The following GRID1 variants were observed in gnomAD, a reference collection of about 807,000 sequenced individuals.
The protein encoded by GRID1 is glutamate ionotropic receptor delta type subunit 1.
In GRID1, 28 loss-of-function variants were observed where a neutral mutation model predicts 98.0. That is an observed-to-expected ratio of 0.29 (90% CI 0.21 to 0.39). The LOEUF (loss-of-function observed/expected upper bound fraction) is 0.39. GRID1 is among the 10% of genes least tolerant of loss of function. The pLI is 1.00. For missense variants in GRID1, 1,111 were observed against 1,340.5 expected (o/e 0.83, Z 2.67); for synonymous variants, 553 against 538.5 (o/e 1.03, Z -0.37).
At chr10:86,339,827 A>G (rs1848285070) in intron 2 of GRID1, among the ~76,000 whole-genome samples, 1 of 152,158 alleles carries the variant, frequency 6.6e-6, no homozygotes, top group Non-Finnish European at 1.5e-5. Context: ...AGAGATGAGG[A>G]CCCAAAAGAC....
intron 4 of GRID1, among the ~76,000 whole-genome samples, chr10:85,990,614 T>C (rs958136968): frequency 1.7e-4 from 26 of 152,244 alleles, no homozygotes; most frequent in Admixed American, 1.4e-3. Context: ...GCAAAGGCCA[T>C]GGGGCTCGAA....
intron 5 of GRID1, among the ~76,000 whole-genome samples, chr10:85,875,996 CTGGGAAA>C (rs1258912404): frequency 6.6e-6 from 1 of 152,150 alleles, no homozygotes; most frequent in African/African-American, 2.4e-5. Flanking sequence ...TTTTTGTTTG[CTGGGAAA>C]TGCCTTTATT....
intron 5 of GRID1, among the ~76,000 whole-genome samples, chr10:85,911,739 C>T (rs1476255189): frequency 6.6e-6 from 1 of 152,206 alleles, no homozygotes; most frequent in Non-Finnish European, 1.5e-5. Context: ...CTTCAAGAGG[C>T]TGGAGAGTCA....
In GRID1 at chr10:86,237,464, G is replaced by C. The variant is rs575172163; in HGVS notation, c.236-30816C>G. The stretch of plus-strand genomic sequence containing the variant: ...GCCTGTAATCCCAACACTTTTGGAG[G>C]CCAAGGCGGGTGGATCACGAGGTCA... On this transcript the variant is annotated intron_variant, in intron 2 of 15. Transcript: ENST00000327946. 5.9e-5 allele frequency among the ~76,000 whole-genome samples: 9 copies of C among 152,262 alleles called. No homozygotes were observed. The South Asian group carries it at 1.9e-3, about 32-fold the overall frequency.
chr10:86,004,490 T>C (rs57860713), intron 4 of GRID1, among the ~76,000 whole-genome samples: 12,104 of 152,178 alleles, frequency 0.08, 541 homozygotes, highest in Middle Eastern at 0.095. Flanking sequence ...GTAAAGCAGA[T>C]TGCCCTCCAT....
At chr10:85,789,483 A>G (rs533918109) in intron 8 of GRID1, among the ~76,000 whole-genome samples, 1 of 152,266 alleles carries the variant, frequency 6.6e-6, no homozygotes, top group East Asian at 1.9e-4. Context: ...GCAGCTTGGA[A>G]GAAAGACCAC....
At chr10:85,772,387 A>G (rs1842280115) in intron 8 of GRID1, among the ~76,000 whole-genome samples, 1 of 151,222 alleles carries the variant, frequency 6.6e-6, no homozygotes, top group African/African-American at 2.5e-5. Flanking sequence ...TCCAAAATTG[A>G]CACCCTAATG....
chr10:85,742,078 A>T (rs1241611850), intron 8 of GRID1, among the ~76,000 whole-genome samples: 1 of 152,152 alleles, frequency 6.6e-6, no homozygotes, highest in Non-Finnish European at 1.5e-5. Context: ...TACTTCTCAA[A>T]TATTGAAACT....
At chr10:85,918,434 G>T (rs1294248240) in intron 4 of GRID1, among the ~76,000 whole-genome samples, 1 of 152,134 alleles carries the variant, frequency 6.6e-6, no homozygotes, top group Non-Finnish European at 1.5e-5. Context: ...AAAGCACATC[G>T]CTGGGCTCTA....
chr10:85,769,305 T>C lies in GRID1; in HGVS notation c.1234-39691A>G, dbSNP rs7078165. Among the ~76,000 whole-genome samples the C allele has an allele frequency of 1.5e-3, 221 of 152,298 alleles. 1 individual carries two copies. The highest frequency in any genetic ancestry group is 0.014 in the Middle Eastern group (4 of 294). On this transcript the variant is annotated intron_variant, in intron 8 of 15. Coordinates refer to ENST00000327946, the MANE Select transcript of GRID1 (RefSeq NM_017551.3). ...TTCTCACTCATAAGTGGGAGATAAA[T>C]GTGGGGTACACATGAATATAAAGAT...
intron 8 of GRID1, among the ~76,000 whole-genome samples, chr10:85,837,085 CCCACCCCCA>C (rs1348200254): frequency 2.0e-5 from 3 of 152,028 alleles, no homozygotes; most frequent in Non-Finnish European, 4.4e-5. Flanking sequence ...AGTTTGTCTC[CCCACCCCCA>C]CCACCGACTG....
chr10:86,150,855 G>A (rs150720765), intron 3 of GRID1, among the ~76,000 whole-genome samples: 55 of 152,240 alleles, frequency 3.6e-4, no homozygotes, highest in African/African-American at 1.1e-3. Context: ...TGCAAACCAG[G>A]AAAAGTGCCC....
At chr10:85,872,750 A>C (rs1843291099) in intron 5 of GRID1, among the ~76,000 whole-genome samples, 1 of 152,124 alleles carries the variant, frequency 6.6e-6, no homozygotes, top group African/African-American at 2.4e-5. Flanking sequence ...ATTAGCTGCC[A>C]TATGTCTTCC....
At chr10:86,018,136 G>C (rs1402708922) in intron 4 of GRID1, among the ~76,000 whole-genome samples, 1 of 152,228 alleles carries the variant, frequency 6.6e-6, no homozygotes, top group East Asian at 1.9e-4. Flanking sequence ...ATCCAACAGG[G>C]CAGTCTGCTC....
intron 4 of GRID1, among the ~76,000 whole-genome samples, chr10:86,024,577 G>A (rs1004264747): frequency 3.3e-5 from 5 of 152,158 alleles, no homozygotes; most frequent in Non-Finnish European, 5.9e-5. Flanking sequence ...GGATGGTGCC[G>A]GGGCTCCATA....
At chr10:86,028,600 G>C (rs1029331273) in intron 4 of GRID1, among the ~76,000 whole-genome samples, 10 of 152,134 alleles carry the variant, frequency 6.6e-5, no homozygotes, top group Admixed American at 1.3e-4. Context: ...CCTAGAGAAG[G>C]GGGGAGCATG....
intron 5 of GRID1, among the ~76,000 whole-genome samples, chr10:85,889,905 T>C (rs1203330952): frequency 6.6e-6 from 1 of 152,170 alleles, no homozygotes; most frequent in East Asian, 1.9e-4. Flanking sequence ...TCTCATTGTG[T>C]TCTCTTTTTT....
At chr10:86,165,379 A>G (rs1050842128) in intron 3 of GRID1, among the ~76,000 whole-genome samples, 20 of 152,150 alleles carry the variant, frequency 1.3e-4, no homozygotes, top group African/African-American at 4.6e-4. Context: ...TTTTCTGTGT[A>G]AAGGACCAGG....
In GRID1 at chr10:85,958,673, A is replaced by C. The variant is rs1842225333; in HGVS notation, c.727-42434T>G. Among the ~76,000 whole-genome samples the C allele has an allele frequency of 2.6e-5, 4 of 152,166 alleles. No homozygotes were observed. In the South Asian group the frequency reaches 8.3e-4, roughly 31 times the overall value. On this transcript the variant is annotated intron_variant, in intron 4 of 15. Transcript: ENST00000327946. ...ATCTGAATAAAACAAAAAGAAGCTG[A>C]GGGTCCAGGCGTGGTGGCTCACACC...
Sources: gnomAD v4.1 joint callset for allele counts (sites outside exome capture counted in the v4.1 genomes callset) on GRCh38, gnomAD v4.1.1 for gene constraint, MANE v1.5 for transcripts, NCBI Gene and HGNC (gene_info 2026-07-23, HGNC 2026-07-21) for gene names.